The following NRG1 variants were observed in gnomAD, a reference collection of about 807,000 sequenced individuals.
NRG1 encodes the protein pro-neuregulin-1, membrane-bound isoform.
Under a neutral mutation model 63.8 loss-of-function variants are expected in NRG1, and 18 were observed. That is an observed-to-expected ratio of 0.28 (90% CI 0.19 to 0.42). The LOEUF is 0.42. NRG1 is among the 10% of genes least tolerant of loss of function. The pLI, the probability that NRG1 is intolerant of heterozygous loss-of-function variation, is 1.00. For missense variants in NRG1, 762 were observed against 814.7 expected (o/e 0.94, Z 0.79); for synonymous variants, 302 against 301.3 (o/e 1.00, Z -0.02).
chr8:32,439,215 A>G (rs1587660940), intron 1 of NRG1, among the ~76,000 whole-genome samples: 1 of 152,214 alleles, frequency 6.6e-6, no homozygotes, highest in South Asian at 2.1e-4. Context: ...AAATTAGTTA[A>G]CAGTTATTTT....
At chr8:32,035,043 G>A (rs552501392) in intron 1 of NRG1, among the ~76,000 whole-genome samples, 5 of 152,178 alleles carry the variant, frequency 3.3e-5, no homozygotes, top group African/African-American at 1.2e-4. Flanking sequence ...GTGTTAGGAT[G>A]TCAATTTGAG....
intron 1 of NRG1, among the ~76,000 whole-genome samples, chr8:32,112,173 T>C (rs1013856642): frequency 3.9e-5 from 6 of 152,190 alleles, no homozygotes; most frequent in Non-Finnish European, 5.9e-5. Flanking sequence ...CACTGAAATA[T>C]TCAGATACAG....
At chr8:32,416,190 T>G (rs1245665880) in intron 1 of NRG1, among the ~76,000 whole-genome samples, 2 of 152,224 alleles carry the variant, frequency 1.3e-5, no homozygotes, top group Non-Finnish European at 1.5e-5. Context: ...CTACCTTTAG[T>G]GTCATCATAA....
chr8:32,571,880 A>C (rs1367192088), intron 1 of NRG1, among the ~76,000 whole-genome samples: 2 of 152,020 alleles, frequency 1.3e-5, no homozygotes, highest in African/African-American at 4.8e-5. Context: ...ATATATGCTC[A>C]TTTTAAGTTA....
In NRG1 at chr8:32,407,295, T is replaced by A. The variant is rs1374574216; in HGVS notation, c.38-188533T>A. Among the ~76,000 whole-genome samples the A allele has an allele frequency of 0.012, 15 of 1,286 alleles. No individual in the cohort carries two copies. The Admixed American group carries it at 0.15, about 13-fold the overall frequency. The allele number at this position is 1,286 out of a possible 152,430, so 0.8% of individuals were successfully genotyped here. A position where few individuals can be genotyped will look rare whatever the true frequency, so the allele number is the denominator to read the frequency against. ...ATATATTATATATATATATATATAT[T>A]ATATATATATATATATATATATATT... On this transcript the variant is annotated intron_variant, in intron 1 of 10. Coordinates refer to the NRG1 transcript ENST00000519301.
intron 1 of NRG1, among the ~76,000 whole-genome samples, chr8:31,711,306 T>C (rs1160855918): frequency 6.6e-6 from 1 of 152,220 alleles, no homozygotes; most frequent in African/African-American, 2.4e-5. Flanking sequence ...TTTTTGTAAG[T>C]AAAAGCTGTT....
At chr8:32,417,710 T>C (rs1816115940) in intron 1 of NRG1, among the ~76,000 whole-genome samples, 1 of 147,526 alleles carries the variant, frequency 6.8e-6, no homozygotes, top group Non-Finnish European at 1.5e-5. Flanking sequence ...TCAAGATTTG[T>C]TCTAGTCACA....
chr8:31,640,681 G>A lies in NRG1; in HGVS notation c.37+1250G>A. ...AGCCTCTTTCCCCCCTCTGGAGACG[G>A]GCCGGAACCTCAAGAAGGAGGTCAG... On this transcript the variant is annotated intron_variant, in intron 1 of 10. Transcript: ENST00000519301. The surrounding 1 kb of genome is among the most constrained non-coding windows in gnomAD (Gnocchi z 6.3). 1 of 1,607,268 alleles carries A rather than the reference G, an allele frequency of 6.2e-7. No individual in the cohort carries two copies. Among genetic ancestry groups the A allele is most frequent in the South Asian group, 1.1e-5 (1 of 90,274 alleles).
intron 1 of NRG1, among the ~76,000 whole-genome samples, chr8:31,907,106 G>C (rs1053920936): frequency 6.6e-6 from 1 of 152,030 alleles, no homozygotes; most frequent in African/African-American, 2.4e-5. Context: ...GGGAAACCAG[G>C]TATACACAGC....
chr8:32,073,300 C>T (rs1188891188), intron 1 of NRG1, among the ~76,000 whole-genome samples: 1 of 152,074 alleles, frequency 6.6e-6, no homozygotes, highest in Non-Finnish European at 1.5e-5. Flanking sequence ...GATTTCATTT[C>T]GGGTTAATAA....
intron 1 of NRG1, among the ~76,000 whole-genome samples, chr8:32,572,225 T>G (rs1359830408): frequency 6.6e-6 from 1 of 152,194 alleles, no homozygotes; most frequent in African/African-American, 2.4e-5. Context: ...TTTTCCTCCA[T>G]GTCTTAATTT....
intron 6 of NRG1, among the ~76,000 whole-genome samples, chr8:32,740,590 A>G (rs985692073): frequency 6.6e-6 from 1 of 152,162 alleles, no homozygotes; most frequent in Admixed American, 6.6e-5. Context: ...CCGTTTACTT[A>G]TATGAAGGTG....
chr8:32,357,178 TC>T lies in NRG1; in HGVS notation c.38-238649del, dbSNP rs563237442. Reference sequence around the variant, plus strand: ...CCCCATACAGACCTTCTGAACTTGCTCATTAACGAAGCCACAGGATGGAAAT... The same window carrying T: ...CCCCATACAGACCTTCTGAACTTGCTATTAACGAAGCCACAGGATGGAAAT... On this transcript the variant is annotated intron_variant, in intron 1 of 10. Coordinates refer to the NRG1 transcript ENST00000519301. Among the ~76,000 whole-genome samples, 79 of 152,312 alleles carry T rather than the reference TC, an allele frequency of 5.2e-4. 2 individuals are homozygous for T. Among genetic ancestry groups the T allele is most frequent in the African/African-American group, 1.9e-3 (79 of 41,580 alleles).
Position 32,551,980 on chromosome 8 carries a change from G to A in NRG1, c.100+3154G>A, listed in dbSNP as rs980516141. 2.1e-5 allele frequency among the ~76,000 whole-genome samples: 3 copies of A among 144,382 alleles called. 1 individual carries two copies. The highest frequency in any genetic ancestry group is 4.4e-4 in the South Asian group (2 of 4,542). The allele number at this position is 144,382 out of a possible 152,430, so 94.7% of individuals were successfully genotyped here. A position where few individuals can be genotyped will look rare whatever the true frequency, so the allele number is the denominator to read the frequency against. Reference sequence around the variant, plus strand: ...GCTGGAGTGCAGTGGGTGCAATCTCGGCTCACTGCAACCTCTGCCTCCTGG... The same window carrying A: ...GCTGGAGTGCAGTGGGTGCAATCTCAGCTCACTGCAACCTCTGCCTCCTGG... On this transcript the variant is annotated intron_variant, in intron 1 of 11. Coordinates refer to ENST00000356819, the Ensembl canonical transcript of NRG1.
At chr8:31,753,616 G>C (rs867194652) in intron 1 of NRG1, among the ~76,000 whole-genome samples, 7 of 152,026 alleles carry the variant, frequency 4.6e-5, no homozygotes, top group Admixed American at 6.6e-5. Flanking sequence ...CATTCACCTG[G>C]ACAGACACTG....
At chr8:32,717,230 G>A (rs1413059358) in intron 5 of NRG1, among the ~76,000 whole-genome samples, 2 of 152,014 alleles carry the variant, frequency 1.3e-5, no homozygotes, top group African/African-American at 4.8e-5. Context: ...CTGGTTTTGG[G>A]TGGCGGGGGT....
chr8:32,446,067 C>T (rs190877074), intron 1 of NRG1, among the ~76,000 whole-genome samples: 1 of 152,124 alleles, frequency 6.6e-6, no homozygotes, highest in African/African-American at 2.4e-5. Flanking sequence ...CTGGACTAAA[C>T]CTCAGTTTAT....
chr8:32,306,938 A>T (rs576365507), intron 1 of NRG1, among the ~76,000 whole-genome samples: 1 of 152,320 alleles, frequency 6.6e-6, no homozygotes, highest in South Asian at 2.1e-4. Context: ...TGAAATTTTA[A>T]TCCCTAGCAG....
At chr8:31,965,162 T>G (rs758731768) in intron 1 of NRG1, among the ~76,000 whole-genome samples, 1 of 152,132 alleles carries the variant, frequency 6.6e-6, no homozygotes, top group Non-Finnish European at 1.5e-5. Flanking sequence ...TACATTTTCT[T>G]TATCCTCTAA....
Sources: allele counts gnomAD v4.1 joint callset (sites outside exome capture counted in the v4.1 genomes callset), GRCh38; gene constraint gnomAD v4.1.1; non-coding constraint Gnocchi (gnomAD v3.1); transcripts MANE v1.5; gene names NCBI Gene and HGNC (gene_info 2026-07-23, HGNC 2026-07-21).